ERN1: variants seen among roughly 807,000 people sequenced by gnomAD.
The protein encoded by ERN1 is serine/threonine-protein kinase/endoribonuclease IRE1.
In ERN1, 39 loss-of-function variants were observed where a neutral mutation model predicts 113.1. That is an observed-to-expected ratio of 0.34 (90% CI 0.27 to 0.45). ERN1 has a LOEUF of 0.45. ERN1 is among the 20% of genes least tolerant of loss of function. The pLI, the probability that ERN1 is intolerant of heterozygous loss-of-function variation, is 1.00. For missense variants in ERN1, 976 were observed against 1,274.8 expected, an observed-to-expected ratio of 0.77 and a Z score of 3.57; for synonymous variants, 507 against 515.9, an observed-to-expected ratio of 0.98 and a Z score of 0.23.
At chr17:64,099,637 G>A (rs1458651600) in intron 1 of ERN1, among the ~76,000 whole-genome samples, 2 of 151,936 alleles carry the variant, frequency 1.3e-5, no homozygotes, top group Admixed American at 6.6e-5. Flanking sequence ...TAAAAGGATT[G>A]GGGTTATTTG....
At chr17:64,091,795 T>C (rs534297866) in intron 2 of ERN1, among the ~76,000 whole-genome samples, 35 of 152,230 alleles carry the variant, frequency 2.3e-4, no homozygotes, top group African/African-American at 7.9e-4. Flanking sequence ...AGACCACGAA[T>C]GGCCTTGCAC....
At chr17:64,078,917 G>A (rs1913681805) in intron 4 of ERN1, among the ~76,000 whole-genome samples, 2 of 152,174 alleles carry the variant, frequency 1.3e-5, no homozygotes, top group African/African-American at 4.8e-5. Context: ...GAGGTGGGAG[G>A]CTGGCTTGAG....
intron 1 of ERN1, among the ~76,000 whole-genome samples, chr17:64,125,313 C>T (rs1425319342): frequency 6.6e-6 from 1 of 152,056 alleles, no homozygotes; most frequent in Non-Finnish European, 1.5e-5. Flanking sequence ...TGTTATCATA[C>T]AGAAAGCACC....
rs1912752112 is a variant in ERN1 at position 64,053,373 on chromosome 17, T to C, written c.1954-2A>G. The stretch of plus-strand genomic sequence containing the variant: ...CGCAAAGTCCTTCTGCTCCACATAC[T>C]GCAAAAGACATGACAGCAAGGTCAC... On this transcript the variant is annotated splice_acceptor_variant, in intron 15 of 21. Transcript: ENST00000433197. LOFTEE classifies it high-confidence loss of function. 3 of 1,595,402 alleles carry C rather than the reference T, an allele frequency of 1.9e-6. No individual in the cohort carries two copies. Among genetic ancestry groups the C allele is most frequent in the Admixed American group, 1.7e-5 (1 of 57,152 alleles).
At chr17:64,071,559 T>TACAG (rs1471439963) in intron 6 of ERN1, among the ~76,000 whole-genome samples, 1 of 152,096 alleles carries the variant, frequency 6.6e-6, no homozygotes, top group African/African-American at 2.4e-5. Flanking sequence ...TAGCTGGGAT[T>TACAG]ACAGGCACAT....
At chr17:64,089,832 G>C (rs1357091664) in intron 2 of ERN1, among the ~76,000 whole-genome samples, 1 of 152,136 alleles carries the variant, frequency 6.6e-6, no homozygotes, top group African/African-American at 2.4e-5. Flanking sequence ...ACAGGTAACA[G>C]TGAAACTAGA....
intron 9 of ERN1, 40 bp from the exon 10 acceptor site, chr17:64,064,191 G>A (rs1332364338): frequency 1.3e-6 from 2 of 1,544,732 alleles, no homozygotes; most frequent in Non-Finnish European, 8.7e-7. Flanking sequence ...GCCCTGGAGG[G>A]AGAGCGGGTC....
chr17:64,076,821 C>T (rs1598062739), intron 4 of ERN1, among the ~76,000 whole-genome samples: 2 of 152,110 alleles, frequency 1.3e-5, no homozygotes, highest in South Asian at 2.1e-4. Flanking sequence ...AGGATGGTCT[C>T]GATCTCCTGA....
intron 5 of ERN1, among the ~76,000 whole-genome samples, chr17:64,072,553 A>G (rs1464668875): frequency 6.6e-6 from 1 of 152,354 alleles, no homozygotes; most frequent in East Asian, 1.9e-4. Flanking sequence ...CCATGTGAGA[A>G]GGATCCACAG....
intron 1 of ERN1, among the ~76,000 whole-genome samples, chr17:64,108,638 C>T (rs1385835617): frequency 6.6e-6 from 1 of 152,130 alleles, no homozygotes; most frequent in Non-Finnish European, 1.5e-5. Context: ...TAAAGGGAAA[C>T]AGCATCAACT....
intron 2 of ERN1, among the ~76,000 whole-genome samples, chr17:64,088,622 A>G (rs911949632): frequency 6.6e-6 from 1 of 152,168 alleles, no homozygotes; most frequent in Non-Finnish European, 1.5e-5. Context: ...CAACTGTCAG[A>G]TATCTGCTTC....
intron 18 of ERN1, among the ~76,000 whole-genome samples, chr17:64,048,285 G>A (rs1022141270): frequency 6.6e-5 from 10 of 152,164 alleles, no homozygotes; most frequent in African/African-American, 2.2e-4. Flanking sequence ...ATGGATTGAC[G>A]TGGAGAGAGA....
chr17:64,085,571 T>C (rs1430218228), intron 2 of ERN1, among the ~76,000 whole-genome samples: 1 of 152,014 alleles, frequency 6.6e-6, no homozygotes, highest in African/African-American at 2.4e-5. Flanking sequence ...GTTTGGAGGG[T>C]CAAATATTCA....
At chr17:64,124,587 G>A (rs150543105) in intron 1 of ERN1, among the ~76,000 whole-genome samples, 105 of 152,310 alleles carry the variant, frequency 6.9e-4, no homozygotes, top group African/African-American at 2.2e-3. Context: ...TGCCATCAAC[G>A]TAAGATGTGA....
intron 5 of ERN1, 132 bp from the exon 6 acceptor site, chr17:64,072,235 G>T: frequency 1.1e-6 from 1 of 919,332 alleles, no homozygotes; most frequent in Non-Finnish European, 1.6e-6. Context: ...CTAAGGTGAT[G>T]ATATAAATGG....
chr17:64,090,044 T>C (rs1914045419), intron 2 of ERN1, among the ~76,000 whole-genome samples: 1 of 152,194 alleles, frequency 6.6e-6, no homozygotes, highest in Non-Finnish European at 1.5e-5. Context: ...CAGTGGCAGC[T>C]CATTCCTTCC....
At chr17:64,093,616 A>C (rs1299835868) in intron 2 of ERN1, among the ~76,000 whole-genome samples, 1 of 152,080 alleles carries the variant, frequency 6.6e-6, no homozygotes. Context: ...TGGTGGAGAG[A>C]GAATGAGCGA....
intron 2 of ERN1, among the ~76,000 whole-genome samples, chr17:64,095,431 A>AAAAAG (rs950561376): frequency 1.1e-4 from 16 of 152,192 alleles, no homozygotes; most frequent in African/African-American, 2.7e-4. Flanking sequence ...TCTGTCTCAA[A>AAAAAG]AAAAGAAAAG....
At chr17:64,053,029 G>GCCT (rs10689374) in intron 16 of ERN1, 50 bp from the exon 17 acceptor site, 1,349,489 of 1,360,840 alleles carry the variant, frequency 0.99, 669,892 homozygotes, top group East Asian at 1. Context: ...GCAACCCCAG[G>GCCT]CCTCCTCCAA....
Sources: gnomAD v4.1 joint callset for allele counts (sites outside exome capture counted in the v4.1 genomes callset) on GRCh38, gnomAD v4.1.1 for gene constraint, MANE v1.5 for transcripts, NCBI Gene and HGNC (gene_info 2026-07-23, HGNC 2026-07-21) for gene names.